Variants in DAB1 observed in about 807,000 individuals in gnomAD.
The protein encoded by DAB1 is DAB adaptor protein 1.
A neutral mutation model predicts 64.6 loss-of-function variants in DAB1; 15 were observed. The ratio of observed to expected loss-of-function variants is 0.23; its 90% CI spans 0.16 to 0.36. The LOEUF (loss-of-function observed/expected upper bound fraction) is 0.36, where lower values mean the gene tolerates loss of function less well. DAB1 is among the 10% of genes least tolerant of loss of function. The pLI is 1.00. For synonymous variants in DAB1, 235 were observed against 251.9 expected, an observed-to-expected ratio of 0.93 and a Z score of 0.64; for missense variants, 596 against 706.7, an observed-to-expected ratio of 0.84 and a Z score of 1.78.
intron 1 of DAB1, among the ~76,000 whole-genome samples, chr1:57,841,707 T>C (rs1270836271): frequency 1.3e-5 from 2 of 152,210 alleles, no homozygotes; most frequent in Non-Finnish European, 2.9e-5. Context: ...ATCTCGAGGC[T>C]GCATGGAGCA....
At chr1:58,096,028 T>C (rs1487677527) in intron 5 of DAB1, among the ~76,000 whole-genome samples, 1 of 152,140 alleles carries the variant, frequency 6.6e-6, no homozygotes, top group Non-Finnish European at 1.5e-5. Context: ...TGTGGGGTGA[T>C]TGGGTGTATT....
intron 4 of DAB1, among the ~76,000 whole-genome samples, chr1:58,196,843 A>G (rs1472061250): frequency 6.6e-6 from 1 of 152,174 alleles, no homozygotes; most frequent in East Asian, 1.9e-4. Context: ...ACAATTTGCG[A>G]TGAGATTTGG....
Position 58,374,903 on chromosome 1 carries a change from G to T in DAB1, n.258-31500C>A, listed in dbSNP as rs1216206954. Among the ~76,000 whole-genome samples the T allele has an allele frequency of 2.9e-5, 4 of 138,206 alleles. No homozygotes were observed. In the East Asian group the frequency reaches 8.0e-4, roughly 28 times the overall value. The allele number at this position is 138,206 out of a possible 152,430, so 90.7% of individuals were successfully genotyped here. On this transcript the variant is annotated intron_variant and non_coding_transcript_variant, in intron 3 of 20. Coordinates refer to the DAB1 transcript ENST00000485760. ...CTTGAAGAGGTCCTTCACATCCCTTGTAAGTTGGATTCCTAGCTATTTTAT... is the reference window on the plus strand; with the variant it reads ...CTTGAAGAGGTCCTTCACATCCCTTTTAAGTTGGATTCCTAGCTATTTTAT...
At chr1:57,624,509 GA>G (rs1209745265) in intron 7 of DAB1, among the ~76,000 whole-genome samples, 3 of 152,186 alleles carry the variant, frequency 2.0e-5, no homozygotes, top group Non-Finnish European at 4.4e-5. Context: ...TACCCAACTT[GA>G]AATGAGAACT....
intron 7 of DAB1, among the ~76,000 whole-genome samples, chr1:57,587,692 A>G (rs1292757747): frequency 2.0e-5 from 3 of 152,184 alleles, no homozygotes; most frequent in Non-Finnish European, 4.4e-5. Context: ...GACCTCCTCA[A>G]TTATCTAAGA....
intron 1 of DAB1, among the ~76,000 whole-genome samples, chr1:57,355,873 A>ACAC (rs1679054285): frequency 6.8e-6 from 1 of 146,318 alleles, no homozygotes. Flanking sequence ...AACCTCAATA[A>ACAC]ACACACACAC....
rs547965357 is a variant in DAB1 at position 58,476,982 on chromosome 1, C to T, written n.257+29078G>A. On this transcript the variant is annotated intron_variant and non_coding_transcript_variant, in intron 3 of 20. Transcript: ENST00000485760. ...ACACACATTGACTAATATTTTTGAG[C>T]TTCGGTCTCCAGGTAAGTGGAGGTA... Among the ~76,000 whole-genome samples the T allele has an allele frequency of 6.6e-5, 10 of 152,282 alleles. No individual in the cohort carries two copies. The South Asian group carries it at 1.7e-3, about 25-fold the overall frequency.
At chr1:57,584,756 T>G (rs1482103960) in intron 7 of DAB1, among the ~76,000 whole-genome samples, 1 of 152,210 alleles carries the variant, frequency 6.6e-6, no homozygotes, top group Non-Finnish European at 1.5e-5. Flanking sequence ...CCTAGAGAAG[T>G]AGTCTCCAGC....
chr1:57,100,683 G>A (rs775295391), intron 4 of DAB1, among the ~76,000 whole-genome samples: 1 of 151,812 alleles, frequency 6.6e-6, no homozygotes, highest in Non-Finnish European at 1.5e-5. Context: ...TAGTGGCAGA[G>A]GCAGGAGAGG....
At chr1:57,703,744 A>G (rs3126024) in intron 6 of DAB1, among the ~76,000 whole-genome samples, 60,692 of 151,966 alleles carry the variant, frequency 0.4, 12,820 homozygotes, top group African/African-American at 0.55. Context: ...ATGTATATTC[A>G]TTGCAGCACT....
chr1:57,793,805 A>G (rs1650716587), intron 6 of DAB1, among the ~76,000 whole-genome samples: 1 of 152,192 alleles, frequency 6.6e-6, no homozygotes, highest in South Asian at 2.1e-4. Flanking sequence ...GTAAATCACT[A>G]GGCTTTTAGT....
intron 1 of DAB1, among the ~76,000 whole-genome samples, chr1:57,357,518 CCT>C (rs1570359657): frequency 2.1e-5 from 2 of 93,892 alleles, no homozygotes; most frequent in East Asian, 2.2e-4. Flanking sequence ...TCACCTTCTT[CCT>C]TTTTTTTTTT....
chr1:58,254,231 G>A (rs1262942045), intron 4 of DAB1, among the ~76,000 whole-genome samples: 5 of 152,136 alleles, frequency 3.3e-5, no homozygotes, highest in Admixed American at 2.6e-4. Context: ...TTTAATTACA[G>A]GCATAGCCAG....
chr1:57,566,625 C>T (rs1351689443), intron 7 of DAB1, among the ~76,000 whole-genome samples: 8 of 152,126 alleles, frequency 5.3e-5, no homozygotes, highest in Non-Finnish European at 1.0e-4. Flanking sequence ...ATACAAACTA[C>T]CATCAGAGAA....
intron 5 of DAB1, chr1:58,048,594 C>T (rs1173780555): frequency 9.8e-7 from 1 of 1,021,588 alleles, no homozygotes; most frequent in Admixed American, 1.7e-5. Flanking sequence ...TATCCACTGA[C>T]ATCACAGCTG....
At chr1:58,079,872 C>G (rs141433018) in intron 5 of DAB1, 2 of 152,248 alleles carry the variant, frequency 1.3e-5, no homozygotes, top group South Asian at 4.2e-4. Context: ...TATCTAAAAC[C>G]TCTATAAGGT....
rs1659649053 is a variant in DAB1 at position 58,228,989 on chromosome 1, G to A, written n.310-78401C>T. 3 of 434,674 alleles carry A rather than the reference G, an allele frequency of 6.9e-6. No individual in the cohort carries two copies. In the Admixed American group the frequency reaches 8.3e-5, roughly 12 times the overall value. The allele number at this position is 434,674 out of a possible 1,614,324, so 26.9% of individuals were successfully genotyped here. On this transcript the variant is annotated intron_variant and non_coding_transcript_variant, in intron 4 of 20. Transcript: ENST00000485760. ...ACAGCACATGCTCCACCAGCCCGAA[G>A]CCCCTGTCCCACCTGGGGCAGATCA...
In DAB1 at chr1:57,877,558, T is replaced by A. The variant is rs200380750; in HGVS notation, n.87+6441A>T. ...CCTAATTGATTTATTTTTTTTTTTTTTTTTTTTTTTTTTGAGACGGAGTCT... is the reference window on the plus strand; with the variant it reads ...CCTAATTGATTTATTTTTTTTTTTTATTTTTTTTTTTTTGAGACGGAGTCT... On this transcript the variant is annotated intron_variant and non_coding_transcript_variant, in intron 1 of 1. Transcript: ENST00000477280. 2.1e-3 allele frequency among the ~76,000 whole-genome samples: 45 copies of A among 21,090 alleles called. 17 individuals are homozygous for A. The highest frequency in any genetic ancestry group is 8.8e-3 in the African/African-American group (33 of 3,762). The allele number at this position is 21,090 out of a possible 152,430, so 13.8% of individuals were successfully genotyped here. A position where few individuals can be genotyped will look rare whatever the true frequency, so the allele number is the denominator to read the frequency against.
chr1:58,326,342 T>C (rs962668767), intron 4 of DAB1, among the ~76,000 whole-genome samples: 9 of 152,338 alleles, frequency 5.9e-5, no homozygotes, highest in Admixed American at 5.9e-4. Context: ...CTGCTCTCCC[T>C]GGCTGCAGAT....
Sources: allele counts gnomAD v4.1 joint callset (sites outside exome capture counted in the v4.1 genomes callset), GRCh38; gene constraint gnomAD v4.1.1; transcripts MANE v1.5; gene names NCBI Gene and HGNC (gene_info 2026-07-23, HGNC 2026-07-21).